The following TEC variants were observed in gnomAD, a reference collection of about 807,000 sequenced individuals.
TEC encodes tyrosine-protein kinase Tec.
A neutral mutation model predicts 93.0 loss-of-function variants in TEC; 72 were observed. The observed-to-expected ratio is 0.77, with a 90% CI of 0.64 to 0.94. The LOEUF is 0.94. Among genes scored for constraint, TEC ranks in the 40% least tolerant of loss-of-function variants. The pLI, the probability that TEC is intolerant of heterozygous loss-of-function variation, is 0.00. For synonymous variants in TEC, 249 were observed against 247.7 expected (o/e 1.01, Z -0.05); for missense variants, 630 against 757.9 (o/e 0.83, Z 1.98).
intron 2 of TEC, among the ~76,000 whole-genome samples, chr4:48,194,926 T>G (rs1722241849): frequency 6.6e-6 from 1 of 152,206 alleles, no homozygotes; most frequent in African/African-American, 2.4e-5. Context: ...TACAGCAAAC[T>G]TTTGTAATAC....
chr4:48,156,446 G>A (rs957182220), intron 9 of TEC, among the ~76,000 whole-genome samples: 7 of 152,172 alleles, frequency 4.6e-5, no homozygotes, highest in African/African-American at 1.7e-4. Flanking sequence ...TAACTGTCCT[G>A]AGGCCACCCA....
chr4:48,174,215 T>C (rs1721231604), intron 3 of TEC, among the ~76,000 whole-genome samples: 1 of 152,228 alleles, frequency 6.6e-6, no homozygotes, highest in South Asian at 2.1e-4. Context: ...CGTTCTGTTC[T>C]ACTTGTATTA....
At chr4:48,227,423 A>C (rs1264970002) in intron 2 of TEC, among the ~76,000 whole-genome samples, 1 of 152,122 alleles carries the variant, frequency 6.6e-6, no homozygotes, top group Non-Finnish European at 1.5e-5. Context: ...TGGGTGGATC[A>C]CTTGAGGTCA....
intron 11 of TEC, among the ~76,000 whole-genome samples, chr4:48,148,218 A>G (rs971176624): frequency 6.6e-6 from 1 of 152,222 alleles, no homozygotes; most frequent in Non-Finnish European, 1.5e-5. Context: ...ACTGAATTGT[A>G]TACTTTAAAT....
chr4:48,250,635 T>C (rs1384513196), intron 1 of TEC, among the ~76,000 whole-genome samples: 2 of 152,142 alleles, frequency 1.3e-5, no homozygotes, highest in African/African-American at 4.8e-5. Context: ...ACTAGCCTAC[T>C]AGAGGGATGT....
chr4:48,159,146 C>T lies in TEC; in HGVS notation c.738-2412G>A, dbSNP rs187477269. ...CTCCTGTCAGGAATAACTATACACA[C>T]AGGTAAAATGTGACACAGATACCAC... On this transcript the variant is annotated intron_variant, in intron 8 of 17. Coordinates refer to ENST00000381501, the MANE Select transcript of TEC (RefSeq NM_003215.3). Among the ~76,000 whole-genome samples the T allele has an allele frequency of 4.0e-5, 6 of 151,382 alleles. No homozygotes were observed. In the East Asian group the frequency reaches 1.2e-3, roughly 29 times the overall value.
chr4:48,267,608 G>A (rs1329954867), intron 1 of TEC, among the ~76,000 whole-genome samples: 1 of 152,194 alleles, frequency 6.6e-6, no homozygotes, highest in Non-Finnish European at 1.5e-5. Context: ...CAAGGCAGCT[G>A]GCCCCCAAGA....
At chr4:48,212,120 T>C (rs1163941957) in intron 2 of TEC, among the ~76,000 whole-genome samples, 21 of 122,022 alleles carry the variant, frequency 1.7e-4, no homozygotes, top group Middle Eastern at 4.0e-3. Context: ...AATATATATA[T>C]ATATATATAT....
In TEC at chr4:48,228,439, C is replaced by T. The variant is rs1369468393; in HGVS notation, c.138+38G>A. ...GGCAATATTATAAAATCGTTATCTA[C>T]ATAGAAAGCAGAAAAGTAAATCGTG... is the stretch of plus-strand genomic sequence containing the variant. On this transcript the variant is annotated intron_variant, in intron 2 of 17. Transcript: ENST00000381501. 4 of 1,535,634 alleles carry T rather than the reference C, an allele frequency of 2.6e-6. No individual in the cohort carries two copies. In the African/African-American group the frequency reaches 4.2e-5, roughly 16 times the overall value.
At chr4:48,239,265 A>G (rs960297433) in intron 1 of TEC, among the ~76,000 whole-genome samples, 1 of 152,186 alleles carries the variant, frequency 6.6e-6, no homozygotes. Flanking sequence ...AATTAGTTAT[A>G]ATCTAAATGG....
chr4:48,180,344 C>T (rs1721534474), intron 2 of TEC, among the ~76,000 whole-genome samples: 1 of 152,126 alleles, frequency 6.6e-6, no homozygotes, highest in African/African-American at 2.4e-5. Flanking sequence ...AACTGGGCAA[C>T]AAGCACCATG....
In TEC at chr4:48,149,733, T is replaced by C. The variant is rs201070341; in HGVS notation, c.873-43A>G. 861 of 1,558,046 alleles carry C rather than the reference T, an allele frequency of 5.5e-4. 7 individuals carry two copies. The South Asian group carries it at 5.6e-3, about 10-fold the overall frequency. ...ATGTGTCAGAACCAAGTTGAAATAATAGAACTTCATTCTTAAGATGTTTTC... is the reference window on the plus strand; with the variant it reads ...ATGTGTCAGAACCAAGTTGAAATAACAGAACTTCATTCTTAAGATGTTTTC... On this transcript the variant is annotated intron_variant, in intron 10 of 17. Coordinates refer to ENST00000381501, the MANE Select transcript of TEC (RefSeq NM_003215.3).
chr4:48,232,007 G>A (rs757456944), intron 1 of TEC, among the ~76,000 whole-genome samples: 2 of 152,164 alleles, frequency 1.3e-5, no homozygotes, highest in Non-Finnish European at 2.9e-5. Context: ...CACCTTATCT[G>A]TCCATGTGCG....
intron 7 of TEC, among the ~76,000 whole-genome samples, chr4:48,166,306 C>T (rs143231668): frequency 5.1e-4 from 77 of 152,264 alleles, no homozygotes; most frequent in Non-Finnish European, 8.5e-4. Flanking sequence ...TAAATCCAAA[C>T]CGTGCCTTTC....
Position 48,170,204 on chromosome 4 carries a change from T to TCA in TEC, c.454+42_454+43dup, listed in dbSNP as rs772961492. The TCA allele has an allele frequency of 4.2e-5, 61 of 1,469,342 alleles. No homozygotes were observed. In the African/African-American group the frequency reaches 7.1e-4, roughly 17 times the overall value. The allele number at this position is 1,469,342 out of a possible 1,614,324, so 91.0% of individuals were successfully genotyped here. A position where few individuals can be genotyped will look rare whatever the true frequency, so the allele number is the denominator to read the frequency against. Reference sequence around the variant, plus strand: ...CTTTCTTACCATACCAATAATACGTTCATTCTAAGCACAATATAATTATGG... The same window carrying TCA: ...CTTTCTTACCATACCAATAATACGTTCACATTCTAAGCACAATATAATTATGG... On this transcript the variant is annotated intron_variant, in intron 5 of 17. Coordinates refer to ENST00000381501, the MANE Select transcript of TEC (RefSeq NM_003215.3).
intron 1 of TEC, among the ~76,000 whole-genome samples, chr4:48,246,869 A>G (rs921288298): frequency 1.3e-5 from 2 of 152,222 alleles, no homozygotes; most frequent in African/African-American, 4.8e-5. Flanking sequence ...TATGACATCA[A>G]AAGCATAAGC....
At chr4:48,220,729 T>G (rs1723232386) in intron 2 of TEC, among the ~76,000 whole-genome samples, 1 of 152,090 alleles carries the variant, frequency 6.6e-6, no homozygotes, top group Admixed American at 6.6e-5. Flanking sequence ...AAAAGAAAAA[T>G]ACCTCTCCTA....
At chr4:48,251,404 A>G (rs1207925494) in intron 1 of TEC, among the ~76,000 whole-genome samples, 1 of 152,126 alleles carries the variant, frequency 6.6e-6, no homozygotes, top group Non-Finnish European at 1.5e-5. Flanking sequence ...ACAAAAAAAG[A>G]CCTTCCTTTG....
intron 14 of TEC, among the ~76,000 whole-genome samples, chr4:48,142,661 G>A (rs1393439358): frequency 6.6e-6 from 1 of 152,100 alleles, no homozygotes; most frequent in Non-Finnish European, 1.5e-5. Flanking sequence ...TCAAAAGGAA[G>A]ACAAGAATTT....
Sources: allele counts gnomAD v4.1 joint callset (sites outside exome capture counted in the v4.1 genomes callset), GRCh38; gene constraint gnomAD v4.1.1; transcripts MANE v1.5; gene names NCBI Gene and HGNC (gene_info 2026-07-23, HGNC 2026-07-21).